The following GALNT13 variants were observed in gnomAD, a reference collection of about 807,000 sequenced individuals.
GALNT13 encodes polypeptide N-acetylgalactosaminyltransferase 13.
Under a neutral mutation model 64.2 loss-of-function variants are expected in GALNT13, and 28 were observed. The ratio of observed to expected loss-of-function variants is 0.44; its 90% CI spans 0.32 to 0.60. The LOEUF (loss-of-function observed/expected upper bound fraction) is 0.60. GALNT13 is among the 20% of genes least tolerant of loss of function. The pLI is 0.05. For missense variants in GALNT13, 577 were observed against 669.8 expected, an observed-to-expected ratio of 0.86 and a Z score of 1.53; for synonymous variants, 214 against 224.6, an observed-to-expected ratio of 0.95 and a Z score of 0.42.
intron 1 of GALNT13, among the ~76,000 whole-genome samples, chr2:153,873,405 G>C (rs925431797): frequency 6.6e-6 from 1 of 152,166 alleles, no homozygotes; most frequent in East Asian, 1.9e-4. Flanking sequence ...CCGCATACCC[G>C]ATTCTTTGAC....
chr2:153,516,649 G>A, the GALNT13 span, among the ~76,000 whole-genome samples: 1 of 151,954 alleles, frequency 6.6e-6, no homozygotes, highest in African/African-American at 2.4e-5. Context: ...GAGAGGATGT[G>A]AAATGGCAAT....
intron 4 of GALNT13, among the ~76,000 whole-genome samples, chr2:154,181,161 T>G (rs545557801): frequency 4.8e-4 from 73 of 152,330 alleles, no homozygotes; most frequent in Admixed American, 1.9e-3. Context: ...GCTTTGAATT[T>G]AATCAATACT....
chr2:153,963,892 A>G (rs1424314820), intron 3 of GALNT13, among the ~76,000 whole-genome samples: 1 of 152,118 alleles, frequency 6.6e-6, no homozygotes, highest in Non-Finnish European at 1.5e-5. Flanking sequence ...ATGAAAGAGC[A>G]GAAATTTTTA....
At chr2:153,994,663 G>A (rs1352072466) in intron 3 of GALNT13, among the ~76,000 whole-genome samples, 1 of 152,086 alleles carries the variant, frequency 6.6e-6, no homozygotes, top group Non-Finnish European at 1.5e-5. Flanking sequence ...TTCTCTGATG[G>A]CCAGTGATGA....
At chr2:153,572,495 T>G in the GALNT13 span, among the ~76,000 whole-genome samples, 1 of 151,838 alleles carries the variant, frequency 6.6e-6, no homozygotes, top group African/African-American at 2.4e-5. Flanking sequence ...TGGGATTTGG[T>G]TTGCTCTCTT....
chr2:154,085,760 ATTTCT>A (rs1701490087), intron 3 of GALNT13, among the ~76,000 whole-genome samples: 1 of 151,980 alleles, frequency 6.6e-6, no homozygotes, highest in Non-Finnish European at 1.5e-5. Flanking sequence ...CATTCTTAAA[ATTTCT>A]TTTCTTGAAG....
At chr2:153,191,282 A>T in the GALNT13 span, among the ~76,000 whole-genome samples, 1 of 152,106 alleles carries the variant, frequency 6.6e-6, no homozygotes, top group Admixed American at 6.6e-5. Flanking sequence ...TTTATCATGA[A>T]GTGATGTTGA....
At chr2:153,514,019 A>G in the GALNT13 span, among the ~76,000 whole-genome samples, 1 of 152,202 alleles carries the variant, frequency 6.6e-6, no homozygotes, top group African/African-American at 2.4e-5. Context: ...TCTAGGGGAT[A>G]TTAAAAACAT....
intron 3 of GALNT13, among the ~76,000 whole-genome samples, chr2:154,020,035 C>A (rs1024386902): frequency 6.6e-6 from 1 of 152,134 alleles, no homozygotes; most frequent in African/African-American, 2.4e-5. Context: ...ATGAACTCAT[C>A]ATTTTTTATG....
At chr2:153,222,971 G>C in the GALNT13 span, among the ~76,000 whole-genome samples, 1 of 152,194 alleles carries the variant, frequency 6.6e-6, no homozygotes, top group Non-Finnish European at 1.5e-5. Flanking sequence ...CCCCTGACTC[G>C]GTGAGGGGGG....
At position 154,145,070 on chromosome 2, in the gene GALNT13, C is replaced by CTATCTA. The variant is rs1553484399; in HGVS notation, c.311+4566_311+4567insATCTAT. Among the ~76,000 whole-genome samples the CTATCTA allele has an allele frequency of 7.3e-5, 10 of 136,234 alleles. 1 individual carries two copies. Among genetic ancestry groups the CTATCTA allele is most frequent in the South Asian group, 4.8e-4 (2 of 4,198 alleles). The allele number at this position is 136,234 out of a possible 152,430, so 89.4% of individuals were successfully genotyped here. A position where few individuals can be genotyped will look rare whatever the true frequency, so the allele number is the denominator to read the frequency against. On this transcript the variant is annotated intron_variant, in intron 4 of 12. Transcript: ENST00000392825. ...TAGTTCTCTCTCTCTCTCTCTCTCTCTCTATCTATCTATCTATCTATCTAT... is the reference window on the plus strand; with the variant it reads ...TAGTTCTCTCTCTCTCTCTCTCTCTCTATCTATCTATCTATCTATCTATCTATCTAT...
chr2:154,008,206 A>G (rs542876883), intron 3 of GALNT13, among the ~76,000 whole-genome samples: 1 of 152,250 alleles, frequency 6.6e-6, no homozygotes, highest in South Asian at 2.1e-4. Flanking sequence ...CTCAAAGGGA[A>G]TGCTTCCAGC....
At chr2:153,108,597 T>C in the GALNT13 span, among the ~76,000 whole-genome samples, 411 of 152,272 alleles carry the variant, frequency 2.7e-3, no homozygotes, top group African/African-American at 9.4e-3. Context: ...ATTAGTGATC[T>C]GAGCCCAACT....
chr2:153,241,844 T>A, the GALNT13 span, among the ~76,000 whole-genome samples: 1 of 152,008 alleles, frequency 6.6e-6, no homozygotes, highest in South Asian at 2.1e-4. Context: ...GAGAGGGGTA[T>A]CATAGAATAG....
the GALNT13 span, among the ~76,000 whole-genome samples, chr2:153,206,203 G>C: frequency 1.3e-5 from 2 of 152,052 alleles, no homozygotes; most frequent in Non-Finnish European, 2.9e-5. Context: ...GGTTTGTTGT[G>C]ATATTTAGAC....
the GALNT13 span, among the ~76,000 whole-genome samples, chr2:153,816,617 G>A: frequency 7.3e-6 from 1 of 136,380 alleles, no homozygotes; most frequent in Non-Finnish European, 1.6e-5. Context: ...GGATAGATTA[G>A]ATAGATATAT....
intron 7 of GALNT13, chr2:154,257,666 T>C (rs762623750): frequency 3.3e-5 from 5 of 152,160 alleles, no homozygotes; most frequent in Non-Finnish European, 5.9e-5. Context: ...TGATGGACAG[T>C]TAATTACCTG....
the GALNT13 span, among the ~76,000 whole-genome samples, chr2:153,832,015 G>A: frequency 1.3e-5 from 2 of 152,092 alleles, no homozygotes; most frequent in South Asian, 2.1e-4. Flanking sequence ...ATTCCATGTC[G>A]ATTTTAAGTA....
At chr2:154,011,864 CTTAAA>C (rs1696661244) in intron 3 of GALNT13, among the ~76,000 whole-genome samples, 1 of 152,068 alleles carries the variant, frequency 6.6e-6, no homozygotes, top group African/African-American at 2.4e-5. Context: ...TTTGTTTTGT[CTTAAA>C]TTAGAATAGC....
Sources: allele counts gnomAD v4.1 joint callset (sites outside exome capture counted in the v4.1 genomes callset), GRCh38; gene constraint gnomAD v4.1.1; transcripts MANE v1.5; gene names NCBI Gene and HGNC (gene_info 2026-07-23, HGNC 2026-07-21).